RNF170: variants seen among roughly 807,000 people sequenced by gnomAD.
RNF170 encodes E3 ubiquitin-protein ligase RNF170.
In RNF170, 12 loss-of-function variants were observed where a neutral mutation model predicts 32.7. The observed-to-expected ratio is 0.37, with a 90% CI of 0.24 to 0.60. RNF170 has a LOEUF of 0.60. Ranked by LOEUF, RNF170 falls within the 20% of genes least tolerant of loss-of-function variation. The pLI is 0.72. For missense variants in RNF170, 212 were observed against 311.2 expected (o/e 0.68, Z 2.40); for synonymous variants, 91 against 103.6 (o/e 0.88, Z 0.74).
At chr8:42,894,623 G>A (rs905029412) in intron 1 of RNF170, among the ~76,000 whole-genome samples, 5 of 152,104 alleles carry the variant, frequency 3.3e-5, no homozygotes, top group Admixed American at 1.3e-4. Flanking sequence ...GGAGTGCAGT[G>A]GCGCGATCTC....
intron 2 of RNF170, among the ~76,000 whole-genome samples, chr8:42,886,924 C>T (rs941905639): frequency 3.3e-5 from 5 of 151,512 alleles, no homozygotes; most frequent in South Asian, 2.1e-4. Context: ...GAGGCTGAGT[C>T]GGGTGGTTCA....
intron 1 of RNF170, among the ~76,000 whole-genome samples, chr8:42,891,670 T>C (rs1014089510): frequency 6.6e-6 from 1 of 152,208 alleles, no homozygotes; most frequent in Non-Finnish European, 1.5e-5. Flanking sequence ...AATCTGTCCT[T>C]TCCCAGGTGG....
At position 42,866,324 on chromosome 8, in the gene RNF170, G is replaced by A. The variant is rs1586500142; in HGVS notation, c.323-835C>T. On this transcript the variant is annotated intron_variant, in intron 4 of 6. Coordinates refer to ENST00000527424, the MANE Select transcript of RNF170 (RefSeq NM_030954.4). ...TGGGTGGCTGAGGCGGGTGGATCAC[G>A]AGGTCAGGAGTTCGAGACCAGCCTG... 2.6e-5 allele frequency among the ~76,000 whole-genome samples: 4 copies of A among 152,004 alleles called. No individual in the cohort carries two copies. The South Asian group carries it at 6.2e-4, about 24-fold the overall frequency.
rs1417866922 is a variant in RNF170, at chr8:42,896,344, G to A, written c.-8+140C>T. On this transcript the variant is annotated intron_variant, in intron 1 of 6. Transcript: ENST00000527424. ...TCTGGGGCTTCCAGACGAGGGAGGG[G>A]CCCGGGGGGAAGGAGGCGGCGACTC... 1.2e-5 allele frequency: 5 copies of A among 410,138 alleles called. No homozygotes were observed. In the East Asian group the frequency reaches 2.3e-4, roughly 19 times the overall value. 25.4% of individuals were successfully genotyped at this position (410,138 alleles called of 1,614,324 possible).
intron 4 of RNF170, among the ~76,000 whole-genome samples, chr8:42,866,220 T>A (rs536335004): frequency 2.0e-5 from 3 of 152,098 alleles, no homozygotes; most frequent in South Asian, 4.1e-4. Context: ...AACCAAATTA[T>A]CAATGTATTA....
At chr8:42,869,943 G>GTACA (rs1804398588) in intron 4 of RNF170, 61 bp downstream of exon 4, 4 of 1,197,710 alleles carry the variant, frequency 3.3e-6, no homozygotes, top group Non-Finnish European at 1.2e-6. Context: ...TCCAGCCTTT[G>GTACA]TACACATAGA....
chr8:42,862,247 A>T (rs1323706122), intron 5 of RNF170, among the ~76,000 whole-genome samples: 3 of 152,244 alleles, frequency 2.0e-5, no homozygotes, highest in Non-Finnish European at 4.4e-5. Context: ...TTTCAGTATT[A>T]AAATAATGAT....
intron 1 of RNF170, among the ~76,000 whole-genome samples, chr8:42,888,152 G>A (rs969346340): frequency 3.3e-5 from 5 of 151,958 alleles, no homozygotes; most frequent in Non-Finnish European, 7.4e-5. Context: ...TGCAACGTCC[G>A]CCTCCCGGGT....
At chr8:42,852,481 G>A (rs532732520), downstream of RNF170, among the ~76,000 whole-genome samples, 67 of 152,034 alleles carry the variant, frequency 4.4e-4, no homozygotes, top group Middle Eastern at 3.4e-3. Flanking sequence ...GCAATGGCAT[G>A]ATCTCAGCTC....
intron 2 of RNF170, among the ~76,000 whole-genome samples, chr8:42,878,456 T>C (rs189700915): frequency 1.3e-5 from 2 of 152,282 alleles, no homozygotes; most frequent in African/African-American, 4.8e-5. Flanking sequence ...GTACTCTGGA[T>C]AGAAGATCAA....
chr8:42,851,796 T>TC (rs1802950107), downstream of RNF170, among the ~76,000 whole-genome samples: 1 of 152,044 alleles, frequency 6.6e-6, no homozygotes, highest in Non-Finnish European at 1.5e-5. Context: ...CACCACCACG[T>TC]CTGGCTAATT....
chr8:42,865,417 G>T lies in RNF170; in HGVS notation c.395C>A (p.Thr132Lys), dbSNP rs751178660. The T allele has an allele frequency of 6.2e-7, 1 of 1,609,706 alleles. No homozygotes were observed. The highest frequency in any genetic ancestry group is 1.1e-5 in the South Asian group (1 of 90,990). Residue 132 changes from threonine (T) to lysine (K), a missense_variant and splice_region_variant, in exon 5 of 7, where the codon ACG becomes AAG. Transcript: ENST00000527424. ...GAISCPICRQTVTLLLTVFGE... is the reference protein window; with the variant it reads ...GAISCPICRQKVTLLLTVFGE... ...TACTTTCTGCACACAAAACATTACC[G>T]TTTGTCTACAGATTGGACAACTGAT...
At chr8:42,886,959 GCCTGGCCAA>G (rs771137575) in intron 2 of RNF170, among the ~76,000 whole-genome samples, 120 of 151,946 alleles carry the variant, frequency 7.9e-4, no homozygotes, top group Non-Finnish European at 1.5e-3. Context: ...TTTGAGACCA[GCCTGGCCAA>G]CCTAGCGAAA....
chr8:42,855,787 A>G lies in RNF170; in HGVS notation c.*372T>C. Reference sequence around the variant, plus strand: ...TATTATCATATAGGTACCTGCTGAGAAGGATAAGATGGATAAACTGACATT... The same window carrying G: ...TATTATCATATAGGTACCTGCTGAGGAGGATAAGATGGATAAACTGACATT... On this transcript the variant is annotated 3_prime_UTR_variant, in exon 7 of 7. Coordinates refer to ENST00000527424, the MANE Select transcript of RNF170 (RefSeq NM_030954.4). 1 of 1,249,592 alleles carries G rather than the reference A, an allele frequency of 8.0e-7. No individual in the cohort carries two copies. The highest frequency in any genetic ancestry group is 1.0e-6 in the Non-Finnish European group (1 of 957,972). 77.4% of individuals were successfully genotyped at this position (1,249,592 alleles called of 1,614,324 possible).
chr8:42,884,063 C>T (rs976845782), intron 2 of RNF170, among the ~76,000 whole-genome samples: 4 of 152,068 alleles, frequency 2.6e-5, no homozygotes, highest in African/African-American at 9.7e-5. Flanking sequence ...CTGCGCCTGG[C>T]AGAATAAATT....
intron 4 of RNF170, among the ~76,000 whole-genome samples, chr8:42,867,445 T>C (rs1804174232): frequency 8.9e-6 from 1 of 112,898 alleles, no homozygotes; most frequent in Non-Finnish European, 1.7e-5. Flanking sequence ...CACTCCAGCC[T>C]GGGCAATAAG....
chr8:42,896,678 C>A (rs1171478233), upstream of RNF170: 2 of 449,752 alleles, frequency 4.4e-6, no homozygotes, highest in Admixed American at 2.4e-5. Flanking sequence ...CCCGTCGCCG[C>A]AGCCTCCAGG....
At chr8:42,866,807 C>T (rs1804119322) in intron 4 of RNF170, among the ~76,000 whole-genome samples, 1 of 152,108 alleles carries the variant, frequency 6.6e-6, no homozygotes, top group Non-Finnish European at 1.5e-5. Context: ...CACGGGTGTG[C>T]CAAGTGTATA....
chr8:42,896,973 G>T, upstream of RNF170: 1 of 446,444 alleles, frequency 2.2e-6, no homozygotes, highest in South Asian at 1.1e-4. Context: ...TGGGGGTGAC[G>T]GTGCGGAGCC....
Sources: allele counts gnomAD v4.1 joint callset (sites outside exome capture counted in the v4.1 genomes callset), GRCh38; gene constraint gnomAD v4.1.1; transcripts MANE v1.5; gene names NCBI Gene and HGNC (gene_info 2026-07-23, HGNC 2026-07-21).